Variants in SRI observed in about 807,000 individuals in gnomAD.
SRI encodes the protein sorcin.
In SRI, 30 loss-of-function variants were observed where a neutral mutation model predicts 33.3. The observed-to-expected ratio is 0.90, with a 90% confidence interval of 0.67 to 1.22. The LOEUF is 1.22. Ranked by LOEUF, SRI falls within the 50% of genes most tolerant of loss-of-function variation. The pLI is 0.00. For missense variants in SRI, 243 were observed against 250.8 expected, an observed-to-expected ratio of 0.97 and a Z score of 0.21; for synonymous variants, 75 against 89.9, an observed-to-expected ratio of 0.83 and a Z score of 0.94.
chr7:88,209,194 C>A, intron 6 of SRI, 145 bp downstream of exon 6: 2 of 532,236 alleles, frequency 3.8e-6, no homozygotes, highest in Non-Finnish European at 3.2e-6. Flanking sequence ...AATTATTTTG[C>A]CAGATATGCT....
intron 1 of SRI, 101 bp from the exon 2 acceptor site, chr7:88,219,043 C>T (rs1851810295): frequency 2.0e-6 from 2 of 996,600 alleles, no homozygotes; most frequent in Non-Finnish European, 3.1e-6. Flanking sequence ...CCCGCCTGCC[C>T]GCCCTTCACA....
rs1413994494 is a variant in SRI, at chr7:88,208,625, A to C, written c.512-60T>G. The C allele has an allele frequency of 1.9e-6, 3 of 1,598,254 alleles. No individual in the cohort carries two copies. The African/African-American group carries it at 4.0e-5, about 21-fold the overall frequency. ...TTTAAATGGTTTTTCTAAAATCATA[A>C]AAGTTAGTTATTTTGGCATTGAATT... On this transcript the variant is annotated intron_variant, in intron 6 of 7. Transcript: ENST00000265729.
chr7:88,207,383 T>C (rs1851459862), intron 7 of SRI, among the ~76,000 whole-genome samples: 1 of 152,172 alleles, frequency 6.6e-6, no homozygotes, highest in African/African-American at 2.4e-5. Context: ...CACACACACA[T>C]ACTAAGCTTT....
intron 6 of SRI, 166 bp downstream of exon 6, chr7:88,209,173 A>G (rs1439375585): frequency 2.0e-6 from 1 of 501,994 alleles, no homozygotes; most frequent in African/African-American, 1.9e-5. Context: ...ATTCTGGAAA[A>G]AAAACCAAAA....
At chr7:88,222,712 T>G (rs929520592), upstream of SRI, among the ~76,000 whole-genome samples, 1 of 152,152 alleles carries the variant, frequency 6.6e-6, no homozygotes, top group African/African-American at 2.4e-5. Context: ...TACAACTATC[T>G]GATCTTTGAC....
chr7:88,219,801 G>A (rs1400437280), intron 1 of SRI, among the ~76,000 whole-genome samples, 175 bp downstream of exon 1: 1 of 152,180 alleles, frequency 6.6e-6, no homozygotes, highest in Non-Finnish European at 1.5e-5. Context: ...AACGTGGGGA[G>A]AGGCCGAACC....
At chr7:88,208,850 T>C in intron 6 of SRI, 1 of 412,872 alleles carries the variant, frequency 2.4e-6, no homozygotes, top group Non-Finnish European at 4.5e-6. Flanking sequence ...GCTGTGCAAC[T>C]TCCATGGCCA....
chr7:88,218,051 C>T lies in SRI; in HGVS notation c.135+808G>A, dbSNP rs149852979. Among the ~76,000 whole-genome samples the T allele has an allele frequency of 2.3e-4, 35 of 152,296 alleles. No homozygotes were observed. The East Asian group carries it at 6.4e-3, about 28-fold the overall frequency. On this transcript the variant is annotated intron_variant, in intron 2 of 7. Transcript: ENST00000265729. ...TTATCCCATAATATTCTACAGTTTT[C>T]ACATTAAGATTTTGCTATTTCTAGC...
In SRI at chr7:88,209,977, AC is replaced by A; in HGVS notation, c.397+5del. 6.2e-7 allele frequency: 1 copy of A among 1,614,084 alleles called. No individual in the cohort carries two copies. The highest frequency in any genetic ancestry group is 1.3e-5 in the African/African-American group (1 of 75,012). Reference sequence around the variant, plus strand: ...TGAATGGAGAGTTCTAGTAAGCCATACCTACCCATTGTTGTCAGGGCCTTCT... The same window carrying A: ...TGAATGGAGAGTTCTAGTAAGCCATACTACCCATTGTTGTCAGGGCCTTCT... On this transcript the variant is annotated splice_donor_5th_base_variant and intron_variant, in intron 5 of 7. Transcript: ENST00000265729.
chr7:88,214,641 AAATTAT>A, intron 3 of SRI, among the ~76,000 whole-genome samples: 1 of 151,052 alleles, frequency 6.6e-6, no homozygotes, highest in South Asian at 2.1e-4. Flanking sequence ...AAATTAATTA[AAATTAT>A]AAGTATTATA....
chr7:88,224,885 T>C (rs1851962462), upstream of SRI, among the ~76,000 whole-genome samples: 1 of 152,196 alleles, frequency 6.6e-6, no homozygotes, highest in African/African-American at 2.4e-5. Flanking sequence ...ACTAATCACA[T>C]ATGGCTATTG....
At chr7:88,217,076 G>A in intron 3 of SRI, 46 bp downstream of exon 3, 3 of 1,543,762 alleles carry the variant, frequency 1.9e-6, no homozygotes, top group Admixed American at 3.3e-5. Flanking sequence ...GCTAAGATAG[G>A]AAACACAAGA....
At position 88,205,227 on chromosome 7, in the gene SRI, T is replaced by C. The variant is rs1411164127; in HGVS notation, c.*1251A>G. On this transcript the variant is annotated 3_prime_UTR_variant, in exon 8 of 8. Coordinates refer to ENST00000265729, the MANE Select transcript of SRI (RefSeq NM_003130.4). Reference sequence around the variant, plus strand: ...AGATACTCTGCTGGCAAGTAGAAAATAGACTAATTTCATTTTTTATCTGTT... The same window carrying C: ...AGATACTCTGCTGGCAAGTAGAAAACAGACTAATTTCATTTTTTATCTGTT... 3.3e-5 allele frequency: 5 copies of C among 152,186 alleles called. No homozygotes were observed. The highest frequency in any genetic ancestry group is 9.6e-5 in the African/African-American group (4 of 41,452). The allele number at this position is 152,186 out of a possible 1,614,324, so 9.4% of individuals were successfully genotyped here.
Position 88,206,443 on chromosome 7 carries a change from G to A in SRI, c.*35C>T, listed in dbSNP as rs761953618. The A allele has an allele frequency of 1.9e-6, 3 of 1,613,212 alleles. No homozygotes were observed. Among genetic ancestry groups the A allele is most frequent in the Non-Finnish European group, 2.5e-6 (3 of 1,179,230 alleles). ...GACAAGCAAAGGAGAGCTCCAGTTG[G>A]AATGTTGATTACATTCATGCAGCTT... On this transcript the variant is annotated 3_prime_UTR_variant, in exon 8 of 8. Transcript: ENST00000265729.
intron 3 of SRI, among the ~76,000 whole-genome samples, chr7:88,211,988 A>C (rs1851589148): frequency 1.3e-5 from 2 of 152,372 alleles, no homozygotes; most frequent in African/African-American, 4.8e-5. Context: ...CAATGACTGA[A>C]GAAATTGTAT....
chr7:88,224,291 G>T (rs560264864), upstream of SRI, among the ~76,000 whole-genome samples: 1 of 152,184 alleles, frequency 6.6e-6, no homozygotes, highest in African/African-American at 2.4e-5. Flanking sequence ...TTAATATAAA[G>T]CTCTACATAT....
At chr7:88,213,214 C>T (rs538611188) in intron 3 of SRI, among the ~76,000 whole-genome samples, 1 of 152,254 alleles carries the variant, frequency 6.6e-6, no homozygotes, top group South Asian at 2.1e-4. Flanking sequence ...TCCATGTCCC[C>T]CAATTTATTA....
At chr7:88,221,612 G>T (rs1851889432), upstream of SRI, among the ~76,000 whole-genome samples, 1 of 152,174 alleles carries the variant, frequency 6.6e-6, no homozygotes, top group Admixed American at 6.5e-5. Flanking sequence ...AATTAGCTTC[G>T]TGGATAAACG....
chr7:88,219,580 A>T, intron 1 of SRI: 1 of 204,400 alleles, frequency 4.9e-6, no homozygotes. Flanking sequence ...TTGTTTTTTA[A>T]AGGGAGGAAG....
Sources: allele counts gnomAD v4.1 joint callset (sites outside exome capture counted in the v4.1 genomes callset), GRCh38; gene constraint gnomAD v4.1.1; transcripts MANE v1.5; gene names NCBI Gene and HGNC (gene_info 2026-07-23, HGNC 2026-07-21).